The following AGBL4 variants were observed in gnomAD, a reference collection of about 807,000 sequenced individuals.
AGBL4 encodes the protein cytosolic carboxypeptidase 6.
A neutral mutation model predicts 66.4 loss-of-function variants in AGBL4; 58 were observed. The ratio of observed to expected loss-of-function variants is 0.87; its 90% CI spans 0.71 to 1.09. The LOEUF (loss-of-function observed/expected upper bound fraction) is 1.09. AGBL4 is among the 50% of genes least tolerant of loss of function. AGBL4 has a pLI of 0.00. For synonymous variants in AGBL4, 234 were observed against 222.9 expected (o/e 1.05, Z -0.44); for missense variants, 579 against 631.0 (o/e 0.92, Z 0.88).
At chr1:48,807,201 A>G (rs944663313) in intron 6 of AGBL4, among the ~76,000 whole-genome samples, 3 of 152,008 alleles carry the variant, frequency 2.0e-5, no homozygotes, top group African/African-American at 7.3e-5. Context: ...TGCCCATTAG[A>G]TTGTGGTACC....
intron 4 of AGBL4, among the ~76,000 whole-genome samples, chr1:49,102,654 A>G (rs969545753): frequency 6.6e-6 from 1 of 152,194 alleles, no homozygotes; most frequent in African/African-American, 2.4e-5. Context: ...GAATCAGTCT[A>G]ATGAATAAAT....
chr1:48,541,840 C>G (rs1410921612), intron 11 of AGBL4, among the ~76,000 whole-genome samples: 1 of 152,002 alleles, frequency 6.6e-6, no homozygotes, highest in Admixed American at 6.6e-5. Context: ...ACGTGCTAGG[C>G]AATCTTTTTT....
At chr1:49,529,283 T>A (rs1055652946) in intron 3 of AGBL4, among the ~76,000 whole-genome samples, 1 of 152,098 alleles carries the variant, frequency 6.6e-6, no homozygotes, top group African/African-American at 2.4e-5. Flanking sequence ...GATTTTGGGA[T>A]AAGAAAAAAT....
intron 6 of AGBL4, among the ~76,000 whole-genome samples, chr1:48,765,774 T>G (rs1240980437): frequency 6.6e-6 from 1 of 152,212 alleles, no homozygotes; most frequent in East Asian, 1.9e-4. Flanking sequence ...ACAACATGGA[T>G]GAATCTTAAA....
chr1:49,601,235 T>G (rs1188115390), intron 3 of AGBL4, among the ~76,000 whole-genome samples: 1 of 152,176 alleles, frequency 6.6e-6, no homozygotes, highest in African/African-American at 2.4e-5. Flanking sequence ...CGAACTTAGT[T>G]CCATTTTTCC....
At chr1:48,642,793 G>A (rs995745508) in intron 8 of AGBL4, among the ~76,000 whole-genome samples, 1 of 152,140 alleles carries the variant, frequency 6.6e-6, no homozygotes, top group African/African-American at 2.4e-5. Flanking sequence ...AGTGAAAAAG[G>A]ACAGAGGAAA....
intron 3 of AGBL4, among the ~76,000 whole-genome samples, chr1:49,594,260 G>T (rs780263016): frequency 2.0e-5 from 3 of 152,146 alleles, no homozygotes; most frequent in Non-Finnish European, 4.4e-5. Context: ...GAAGGGAACT[G>T]GATACCTGTA....
At chr1:49,762,330 C>T (rs1377466143) in intron 2 of AGBL4, among the ~76,000 whole-genome samples, 2 of 151,570 alleles carry the variant, frequency 1.3e-5, no homozygotes, top group East Asian at 3.9e-4. Context: ...ATTAGTGATG[C>T]TGAATATTTT....
At chr1:49,595,183 G>A (rs796327724) in intron 3 of AGBL4, among the ~76,000 whole-genome samples, 1 of 152,094 alleles carries the variant, frequency 6.6e-6, no homozygotes, top group South Asian at 2.1e-4. Context: ...CCTCCTACCG[G>A]GTTCACGCCA....
intron 3 of AGBL4, among the ~76,000 whole-genome samples, chr1:49,559,954 A>T (rs909465944): frequency 1.3e-5 from 2 of 152,128 alleles, no homozygotes; most frequent in African/African-American, 4.8e-5. Context: ...TCCCTAATAC[A>T]CATCACGACA....
chr1:49,085,422 C>T (rs1019909686), intron 4 of AGBL4, among the ~76,000 whole-genome samples: 7 of 151,984 alleles, frequency 4.6e-5, no homozygotes, highest in Non-Finnish European at 1.0e-4. Context: ...TTTCTTGGTT[C>T]TCTAGCTTGC....
At chr1:49,657,400 A>G (rs1646164910) in intron 3 of AGBL4, among the ~76,000 whole-genome samples, 1 of 152,208 alleles carries the variant, frequency 6.6e-6, no homozygotes, top group Admixed American at 6.5e-5. Flanking sequence ...CACGGATAGG[A>G]AGAATCAATA....
chr1:49,347,171 A>G (rs1238504979), intron 3 of AGBL4, among the ~76,000 whole-genome samples: 1 of 151,920 alleles, frequency 6.6e-6, no homozygotes, highest in Non-Finnish European at 1.5e-5. Flanking sequence ...CATTGTACCT[A>G]AGGTTGATGC....
At chr1:49,929,260 C>T (rs1317359124) in intron 1 of AGBL4, among the ~76,000 whole-genome samples, 1 of 151,808 alleles carries the variant, frequency 6.6e-6, no homozygotes, top group South Asian at 2.1e-4. Flanking sequence ...CTCAGCATCA[C>T]ACAATATACC....
intron 2 of AGBL4, among the ~76,000 whole-genome samples, chr1:49,746,294 A>G (rs1650980892): frequency 6.6e-6 from 1 of 152,032 alleles, no homozygotes; most frequent in South Asian, 2.1e-4. Context: ...TAAAGTAGAA[A>G]GATTTTACTA....
intron 1 of AGBL4, among the ~76,000 whole-genome samples, chr1:49,900,527 G>A (rs1468233869): frequency 1.3e-5 from 2 of 152,172 alleles, no homozygotes; most frequent in African/African-American, 4.8e-5. Context: ...TTACAGGCAT[G>A]AGCCACTGAG....
intron 3 of AGBL4, among the ~76,000 whole-genome samples, chr1:49,369,884 A>C (rs1644307254): frequency 6.6e-6 from 1 of 151,848 alleles, no homozygotes; most frequent in Admixed American, 6.6e-5. Context: ...ACGAAAATGA[A>C]GACTTTAAAA....
intron 6 of AGBL4, among the ~76,000 whole-genome samples, chr1:48,785,061 A>AT (rs1488461785): frequency 1.3e-5 from 2 of 152,004 alleles, no homozygotes; most frequent in Admixed American, 1.3e-4. Flanking sequence ...TCATTCTGTA[A>AT]TTTTTCAGGT....
At chr1:49,813,972 T>C (rs1645171087) in intron 2 of AGBL4, among the ~76,000 whole-genome samples, 1 of 152,126 alleles carries the variant, frequency 6.6e-6, no homozygotes, top group Non-Finnish European at 1.5e-5. Context: ...TCATGAGATC[T>C]GATGGTTTTA....
Sources: gnomAD v4.1 joint callset for allele counts (sites outside exome capture counted in the v4.1 genomes callset) on GRCh38, gnomAD v4.1.1 for gene constraint, MANE v1.5 for transcripts, NCBI Gene and HGNC (gene_info 2026-07-23, HGNC 2026-07-21) for gene names.